Variants in SLFN12L observed in about 807,000 individuals in gnomAD.
SLFN12L encodes the protein schlafen family member 12 like, also known as schlafen family member 12-like.
Under a neutral mutation model 34.8 loss-of-function variants are expected in SLFN12L, and 34 were observed. The ratio of observed to expected loss-of-function variants is 0.98; its 90% CI spans 0.74 to 1.30. The LOEUF (loss-of-function observed/expected upper bound fraction) is 1.30, where lower values mean the gene tolerates loss of function less well. Ranked by LOEUF, SLFN12L falls within the 50% of genes most tolerant of loss-of-function variation. SLFN12L has a pLI of 0.00. For synonymous variants in SLFN12L, 259 were observed against 247.5 expected, an observed-to-expected ratio of 1.05 and a Z score of -0.44; for missense variants, 703 against 696.2, an observed-to-expected ratio of 1.01 and a Z score of -0.11.
chr17:35,478,135 T>G lies in SLFN12L; in HGVS notation c.1216A>C (p.Ser406Arg). 2 of 1,545,698 alleles carry G rather than the reference T, an allele frequency of 1.3e-6. No individual in the cohort carries two copies. Among genetic ancestry groups the G allele is most frequent in the Non-Finnish European group, 1.8e-6 (2 of 1,142,032 alleles). The change falls in exon 4 of 5, where the codon AGT becomes CGT. Residue 406 changes from serine (S) to arginine (R), a missense_variant. Transcript: ENST00000628453. ...TTAATATATTCACGAAGAGGATAAC[T>G]CTGGGAGACAGGTGATGATGTACTT... ...PASTSSPVSQ[S>R]YPLREYINFK...
chr17:35,487,105 T>C (rs1170194848), intron 2 of SLFN12L, among the ~76,000 whole-genome samples: 1 of 152,210 alleles, frequency 6.6e-6, no homozygotes, highest in Non-Finnish European at 1.5e-5. Flanking sequence ...CCCAACTCCC[T>C]GAATGCTCAG....
intron 3 of SLFN12L, 99 bp downstream of exon 3, chr17:35,479,018 T>C (rs745712404): frequency 1.2e-5 from 11 of 899,854 alleles, no homozygotes; most frequent in Non-Finnish European, 1.7e-5. Context: ...ATGTTGAAAT[T>C]TGAAGACTTT....
chr17:35,495,126 C>G (rs71381453), intron 2 of SLFN12L, among the ~76,000 whole-genome samples: 12 of 152,124 alleles, frequency 7.9e-5, no homozygotes, highest in African/African-American at 2.7e-4. Flanking sequence ...TCTCAAACTC[C>G]TAGGCTCATG....
chr17:35,504,137 C>A (rs1260594481), intron 2 of SLFN12L, among the ~76,000 whole-genome samples: 5 of 152,292 alleles, frequency 3.3e-5, no homozygotes, highest in Non-Finnish European at 7.3e-5. Flanking sequence ...TGGGGACTTG[C>A]CAAGTCAAAG....
rs116037294 is a variant in SLFN12L at position 35,465,224 on chromosome 17, C to T, written c.*9699G>A. Among the ~76,000 whole-genome samples, 1,151 of 152,254 alleles carry T rather than the reference C, an allele frequency of 7.6e-3. 13 individuals carry two copies. The highest frequency in any genetic ancestry group is 0.026 in the African/African-American group (1,094 of 41,548). Reference sequence around the variant, plus strand: ...TAACTTTAACATTTGCCAAAATGCACCAATTGAGAAACCTCGTGGACTTAA... The same window carrying T: ...TAACTTTAACATTTGCCAAAATGCATCAATTGAGAAACCTCGTGGACTTAA... On this transcript the variant is annotated 3_prime_UTR_variant, in exon 5 of 5. Coordinates refer to ENST00000628453, the MANE Select transcript of SLFN12L (RefSeq NM_001363830.2).
Position 35,467,689 on chromosome 17 carries a change from C to T in SLFN12L, c.*7234G>A, listed in dbSNP as rs530594302. 6.6e-6 allele frequency among the ~76,000 whole-genome samples: 1 copy of T among 152,096 alleles called. No homozygotes were observed. The highest frequency in any genetic ancestry group is 1.5e-5 in the Non-Finnish European group (1 of 67,978). ...TTTATAGATTTTCAATATCAAACCC[C>T]CCCCATCAGGAGGCCACAGCAGGTG... On this transcript the variant is annotated 3_prime_UTR_variant, in exon 5 of 5. Transcript: ENST00000628453.
intron 1 of SLFN12L, among the ~76,000 whole-genome samples, chr17:35,528,287 A>G (rs967517481): frequency 6.6e-6 from 1 of 152,334 alleles, no homozygotes; most frequent in Middle Eastern, 3.4e-3. Flanking sequence ...AAAGTAATTT[A>G]CAGATTCAAT....
At chr17:35,526,811 C>T (rs1007768346) in intron 1 of SLFN12L, among the ~76,000 whole-genome samples, 2 of 151,820 alleles carry the variant, frequency 1.3e-5, no homozygotes, top group African/African-American at 4.8e-5. Flanking sequence ...AGAGAAGCGA[C>T]AGCAAACAAA....
chr17:35,532,863 A>G (rs897676396), intron 1 of SLFN12L, among the ~76,000 whole-genome samples: 2 of 152,242 alleles, frequency 1.3e-5, no homozygotes, highest in Non-Finnish European at 2.9e-5. Flanking sequence ...ACTGCACTCC[A>G]GCCTGGTGAG....
rs1248152580 is a variant in SLFN12L at position 35,474,301 on chromosome 17, A to G, written c.*622T>C. 4 of 152,246 alleles carry G rather than the reference A, an allele frequency of 2.6e-5. No individual in the cohort carries two copies. Among genetic ancestry groups the G allele is most frequent in the Non-Finnish European group, 5.9e-5 (4 of 68,048 alleles). The allele number at this position is 152,246 out of a possible 1,614,324, so 9.4% of individuals were successfully genotyped here. On this transcript the variant is annotated 3_prime_UTR_variant, in exon 5 of 5. Transcript: ENST00000628453. ...AATGTCTGATATTTCCTTTATAGTC[A>G]AATGACATCTTGGTATGGCAAAACA...
intron 2 of SLFN12L, among the ~76,000 whole-genome samples, chr17:35,502,564 A>C (rs112496823): frequency 0.1 from 15,685 of 151,962 alleles, 878 homozygotes; most frequent in East Asian, 0.21. Context: ...CCTTCAGGAC[A>C]GGATGATAGA....
At chr17:35,491,303 TG>T in intron 2 of SLFN12L, 2 of 606,114 alleles carry the variant, frequency 3.3e-6, no homozygotes, top group Non-Finnish European at 5.7e-6. Context: ...CCAGAACATA[TG>T]TCATGCAATG....
At chr17:35,499,468 G>T (rs762138814) in intron 2 of SLFN12L, among the ~76,000 whole-genome samples, 3 of 152,224 alleles carry the variant, frequency 2.0e-5, no homozygotes, top group Non-Finnish European at 4.4e-5. Context: ...AGCTAATAAT[G>T]ACTTTAGCTG....
intron 2 of SLFN12L, among the ~76,000 whole-genome samples, chr17:35,507,115 C>T (rs1427737057): frequency 2.0e-5 from 3 of 152,176 alleles, no homozygotes; most frequent in Non-Finnish European, 4.4e-5. Flanking sequence ...ATTACCCGGC[C>T]AGTGGGCAGG....
rs918341888 is a variant in SLFN12L at position 35,464,983 on chromosome 17, T to C, written c.*9940A>G. On this transcript the variant is annotated 3_prime_UTR_variant, in exon 5 of 5. Transcript: ENST00000628453. Reference sequence around the variant, plus strand: ...CCCCCGCCTCCCAGGTTCAAGTGATTCTCCTGCCTCAGCTTCCCAAGTAGC... The same window carrying C: ...CCCCCGCCTCCCAGGTTCAAGTGATCCTCCTGCCTCAGCTTCCCAAGTAGC... Among the ~76,000 whole-genome samples the C allele has an allele frequency of 6.6e-6, 1 of 152,164 alleles. No individual in the cohort carries two copies. Among genetic ancestry groups the C allele is most frequent in the Non-Finnish European group, 1.5e-5 (1 of 68,024 alleles).
At chr17:35,487,526 C>A (rs764701687) in intron 2 of SLFN12L, among the ~76,000 whole-genome samples, 6 of 151,164 alleles carry the variant, frequency 4.0e-5, no homozygotes, top group Non-Finnish European at 8.8e-5. Context: ...GGCAGTGGAG[C>A]GGGACGAATT....
chr17:35,465,805 T>C lies in SLFN12L; in HGVS notation c.*9118A>G, dbSNP rs12950122. On this transcript the variant is annotated 3_prime_UTR_variant, in exon 5 of 5. Coordinates refer to ENST00000628453, the MANE Select transcript of SLFN12L (RefSeq NM_001363830.2). ...TTAACTCTATCCAATCAATAACTGC[T>C]AAATACTCTGTTCTTACAGACTTGG... 5.8e-3 allele frequency among the ~76,000 whole-genome samples: 870 copies of C among 150,326 alleles called. 7 individuals carry two copies. The highest frequency in any genetic ancestry group is 0.02 in the African/African-American group (817 of 40,772).
chr17:35,486,947 T>C (rs1914604648), intron 2 of SLFN12L, among the ~76,000 whole-genome samples: 2 of 152,194 alleles, frequency 1.3e-5, no homozygotes, highest in South Asian at 2.1e-4. Flanking sequence ...CGGATACCAC[T>C]TTGCATTTAG....
At chr17:35,502,149 G>GT (rs150110845) in intron 2 of SLFN12L, among the ~76,000 whole-genome samples, 15,688 of 151,904 alleles carry the variant, frequency 0.1, 860 homozygotes, top group East Asian at 0.21. Flanking sequence ...AAAAGCCAAG[G>GT]TAAATTTAAA....
Sources: allele counts gnomAD v4.1 joint callset (sites outside exome capture counted in the v4.1 genomes callset), GRCh38; gene constraint gnomAD v4.1.1; transcripts MANE v1.5; gene names NCBI Gene and HGNC (gene_info 2026-07-23, HGNC 2026-07-21).